The following IARS1 variants were observed in gnomAD, a reference collection of about 807,000 sequenced individuals.
IARS1 encodes isoleucine--tRNA ligase, cytoplasmic.
IARS1 carries 124 observed loss-of-function variants against 168.2 expected under a neutral mutation model. That is an observed-to-expected ratio of 0.74 (90% CI 0.64 to 0.86). The LOEUF (loss-of-function observed/expected upper bound fraction) is 0.86, where lower values mean the gene tolerates loss of function less well. Among genes scored for constraint, IARS1 ranks in the 40% least tolerant of loss-of-function variants. The probability of loss-of-function intolerance (pLI) is 0.00; values close to 1 mark genes in which losing one functional copy is unlikely to be tolerated. For missense variants in IARS1, 1,452 were observed against 1,515.8 expected, an observed-to-expected ratio of 0.96 and a Z score of 0.70; for synonymous variants, 532 against 529.4, an observed-to-expected ratio of 1.00 and a Z score of -0.07.
intron 21 of IARS1, among the ~76,000 whole-genome samples, chr9:92,253,035 A>G (rs559879077): frequency 6.6e-6 from 1 of 152,196 alleles, no homozygotes; most frequent in South Asian, 2.1e-4. Flanking sequence ...ATCTACCAGT[A>G]TTTTTATAAA....
intron 30 of IARS1, among the ~76,000 whole-genome samples, chr9:92,237,227 T>C (rs1220034760): frequency 6.6e-5 from 10 of 152,228 alleles, no homozygotes; most frequent in Admixed American, 6.5e-4. Flanking sequence ...ATTCCACATA[T>C]TTTGATGTCG....
At chr9:92,215,760 T>C (rs986866818) in intron 33 of IARS1, among the ~76,000 whole-genome samples, 12 of 151,452 alleles carry the variant, frequency 7.9e-5, no homozygotes, top group Admixed American at 5.3e-4. Context: ...CTCCAAGAAA[T>C]ATGGGACTAT....
intron 29 of IARS1, 90 bp downstream of exon 29, chr9:92,242,049 GCTGTGCCGATCTCTA>G (rs1249221454): frequency 1.2e-6 from 1 of 835,650 alleles, no homozygotes; most frequent in Non-Finnish European, 2.0e-6. Flanking sequence ...AAGACAGAGT[GCTGTGCCGATCTCTA>G]CTGTGGGACA....
intron 30 of IARS1, among the ~76,000 whole-genome samples, chr9:92,236,082 C>G (rs775720477): frequency 2.0e-5 from 3 of 151,756 alleles, no homozygotes; most frequent in African/African-American, 4.8e-5. Flanking sequence ...TCCCAGGTTA[C>G]AGCAATTCTC....
intron 1 of IARS1, among the ~76,000 whole-genome samples, 192 bp from the exon 2 acceptor site, chr9:92,289,618 A>G (rs1836000148): frequency 6.6e-6 from 1 of 152,200 alleles, no homozygotes; most frequent in Admixed American, 6.5e-5. Flanking sequence ...ACAAGGTAGT[A>G]TAACTAGTAA....
At chr9:92,265,445 T>A (rs1446628398) in intron 15 of IARS1, 35 bp downstream of exon 15, 1 of 1,579,460 alleles carries the variant, frequency 6.3e-7, no homozygotes, top group African/African-American at 1.3e-5. Context: ...AGGAGAATCG[T>A]AAAACTGAAG....
At chr9:92,291,692 C>T (rs1414505343) in intron 1 of IARS1, among the ~76,000 whole-genome samples, 1 of 152,154 alleles carries the variant, frequency 6.6e-6, no homozygotes, top group Non-Finnish European at 1.5e-5. Flanking sequence ...TCATTGTGTA[C>T]CTTATCAGAG....
chr9:92,249,841 CA>C lies in IARS1; in HGVS notation c.2616+16del, dbSNP rs1437408175. 1.3e-5 allele frequency: 18 copies of C among 1,389,100 alleles called. No homozygotes were observed. In the Middle Eastern group the frequency reaches 5.4e-4, roughly 41 times the overall value. 86.0% of individuals were successfully genotyped at this position (1,389,100 alleles called of 1,614,324 possible). On this transcript the variant is annotated intron_variant, in intron 25 of 33. Coordinates refer to ENST00000443024, the MANE Select transcript of IARS1 (RefSeq NM_002161.6). ...TAAGTCTATCTGTACCAAAAACAGA[CA>C]AATCATCTACCTTACCTCAATGATA...
chr9:92,221,675 G>T (rs1839680904), intron 33 of IARS1, among the ~76,000 whole-genome samples: 1 of 152,160 alleles, frequency 6.6e-6, no homozygotes, highest in Non-Finnish European at 1.5e-5. Flanking sequence ...AAAATAAGCT[G>T]CCTGACACCA....
At chr9:92,248,624 G>A (rs1829565662) in intron 25 of IARS1, among the ~76,000 whole-genome samples, 1 of 130,856 alleles carries the variant, frequency 7.6e-6, no homozygotes, top group South Asian at 2.5e-4. Context: ...CTGCACTCCA[G>A]CCTGGGTGAC....
Position 92,223,424 on chromosome 9 carries a change from C to T in IARS1, c.3475G>A (p.Ala1159Thr), listed in dbSNP as rs1286682726. ...CTAGAACTGTTGATCAGAGAGGGAG[C>T]CGATCCTGCAGTCACACAAAGTGTT... ...GKTLCVTAGS[A>T]PSLINSSSTL... The change falls in exon 32 of 34, where the codon GCT becomes ACT. Residue 1159 changes from alanine (A) to threonine (T), a missense_variant. Ala to Thr is a moderately conservative substitution (Grantham distance 58). Coordinates refer to ENST00000443024, the MANE Select transcript of IARS1 (RefSeq NM_002161.6). 13 of 1,613,804 alleles carry T rather than the reference C, an allele frequency of 8.1e-6. No individual in the cohort carries two copies. Among genetic ancestry groups the T allele is most frequent in the Non-Finnish European group, 1.1e-5 (13 of 1,179,768 alleles).
Position 92,264,968 on chromosome 9 carries a change from G to C in IARS1, c.1661C>G (p.Ala554Gly). ...GTCGATGCCCTCGGCAATGAAATCT[G>C]CAGGAAAAGCATCCTCAAACTCCCT... is the stretch of plus-strand genomic sequence containing the variant. ...NKREFEDAFPADFIAEGIDQT... is the reference protein window; with the variant it reads ...NKREFEDAFPGDFIAEGIDQT... Residue 554 changes from alanine to glycine, a missense_variant, in exon 16 of 34, where the codon GCA becomes GGA. Physicochemically the swap from Ala to Gly is moderately conservative, Grantham distance 60. Transcript: ENST00000443024. 1 of 1,614,116 alleles carries C rather than the reference G, an allele frequency of 6.2e-7. No homozygotes were observed. The highest frequency in any genetic ancestry group is 8.5e-7 in the Non-Finnish European group (1 of 1,179,990).
intron 27 of IARS1, chr9:92,243,569 T>TGGGACCACCTCTTAG (rs1828760176): frequency 3.2e-6 from 1 of 315,132 alleles, no homozygotes; most frequent in African/African-American, 2.2e-5. Context: ...GGAGATGCCC[T>TGGGACCACCTCTTAG]GGGACCACCT....
chr9:92,249,043 T>C (rs944728441), intron 25 of IARS1, among the ~76,000 whole-genome samples: 3 of 152,226 alleles, frequency 2.0e-5, no homozygotes, highest in African/African-American at 4.8e-5. Flanking sequence ...TATATGCATA[T>C]ATGTACACAC....
intron 8 of IARS1, 97 bp downstream of exon 8, chr9:92,278,102 G>T: frequency 9.1e-7 from 1 of 1,096,038 alleles, no homozygotes; most frequent in Non-Finnish European, 1.4e-6. Context: ...TTTGAATAAT[G>T]CAAGCTTTTG....
chr9:92,264,793 G>T (rs946192640), intron 16 of IARS1, 136 bp downstream of exon 16: 1 of 711,368 alleles, frequency 1.4e-6, no homozygotes, highest in Non-Finnish European at 2.3e-6. Flanking sequence ...GTGGAGGGGA[G>T]AGGGCAGGAA....
chr9:92,250,533 C>T (rs1445747624), intron 23 of IARS1, among the ~76,000 whole-genome samples, 180 bp downstream of exon 23: 1 of 152,226 alleles, frequency 6.6e-6, no homozygotes, highest in East Asian at 1.9e-4. Context: ...CCACACCAAG[C>T]ATCCTTGCTA....
At chr9:92,218,043 G>A (rs1260972578) in intron 33 of IARS1, among the ~76,000 whole-genome samples, 8 of 152,038 alleles carry the variant, frequency 5.3e-5, no homozygotes, top group Non-Finnish European at 8.8e-5. Context: ...CTGGCAAAAC[G>A]AATCCAGCAG....
At chr9:92,250,577 G>T in intron 23 of IARS1, 136 bp downstream of exon 23, 1 of 967,522 alleles carries the variant, frequency 1.0e-6, no homozygotes, top group Non-Finnish European at 1.5e-6. Context: ...CCTGCAGCCT[G>T]AGGAGTTCAT....
Sources: allele counts gnomAD v4.1 joint callset (sites outside exome capture counted in the v4.1 genomes callset), GRCh38; gene constraint gnomAD v4.1.1; transcripts MANE v1.5; gene names NCBI Gene and HGNC (gene_info 2026-07-23, HGNC 2026-07-21).